The following CHD5 variants were observed in gnomAD, a reference collection of about 807,000 sequenced individuals.
CHD5 encodes ATP-dependent chromatin remodeler CHD5.
CHD5 carries 69 observed loss-of-function variants against 230.3 expected under a neutral mutation model. That is an observed-to-expected ratio of 0.30 (90% confidence interval 0.25 to 0.37). The LOEUF (loss-of-function observed/expected upper bound fraction) is 0.37, where lower values mean the gene tolerates loss of function less well. Among genes scored for constraint, CHD5 ranks in the 10% least tolerant of loss-of-function variants. The pLI is 1.00. For synonymous variants in CHD5, 1,064 were observed against 1,065.9 expected, an observed-to-expected ratio of 1.00 and a Z score of 0.03; for missense variants, 1,827 against 2,622.8, an observed-to-expected ratio of 0.70 and a Z score of 6.63.
intron 1 of CHD5, among the ~76,000 whole-genome samples, chr1:6,179,696 G>A (rs1295793913): frequency 1.4e-5 from 2 of 147,896 alleles, no homozygotes; most frequent in African/African-American, 4.9e-5. Flanking sequence ...CCTGGCCCGC[G>A]TCGCCGCCCG....
chr1:6,148,583 G>A (rs907760436), intron 9 of CHD5, among the ~76,000 whole-genome samples: 10 of 152,190 alleles, frequency 6.6e-5, no homozygotes, highest in African/African-American at 2.2e-4. Context: ...AACAGTGGTC[G>A]CGGTGTTGGC....
chr1:6,159,584 C>A (rs529893903), intron 2 of CHD5, 69 bp from the exon 3 acceptor site: 2 of 1,397,416 alleles, frequency 1.4e-6, no homozygotes, highest in South Asian at 1.2e-5. Context: ...GGTGGCAGGA[C>A]GGCCCTGAGA....
intron 9 of CHD5, 96 bp downstream of exon 9, chr1:6,148,758 G>C: frequency 1.1e-6 from 1 of 949,872 alleles, no homozygotes. Flanking sequence ...GCCGGCAGGG[G>C]CGGGGCCTTT....
intron 31 of CHD5, among the ~76,000 whole-genome samples, 193 bp downstream of exon 31, chr1:6,123,755 G>A (rs2100841505): frequency 6.6e-6 from 1 of 152,188 alleles, no homozygotes. Flanking sequence ...GAATTTTGCA[G>A]TATGTATATA....
rs1666560454 is a variant in CHD5, at chr1:6,126,476, C to A, written c.4078+96G>T. 8.3e-6 allele frequency: 6 copies of A among 725,044 alleles called. No individual in the cohort carries two copies. Among genetic ancestry groups the A allele is most frequent in the Non-Finnish European group, 1.5e-5 (6 of 409,754 alleles). 44.9% of individuals were successfully genotyped at this position (725,044 alleles called of 1,614,324 possible). ...ACTCGCCCAGCTCTCCCGGCCCGCACCTCCCGGGGGTTCTGCACAGGGATG... is the reference window on the plus strand; with the variant it reads ...ACTCGCCCAGCTCTCCCGGCCCGCAACTCCCGGGGGTTCTGCACAGGGATG... On this transcript the variant is annotated intron_variant, in intron 26 of 41. Coordinates refer to ENST00000262450, the MANE Select transcript of CHD5 (RefSeq NM_015557.3). This position sits in a 1 kb window ranked among gnomAD's most constrained non-coding sequence, Gnocchi z 5.7.
chr1:6,151,209 C>G, intron 6 of CHD5, 54 bp from the exon 7 acceptor site: 1 of 1,551,124 alleles, frequency 6.4e-7, no homozygotes, highest in South Asian at 1.2e-5. Context: ...GAAGGCTTCG[C>G]TGGCCCAGGC....
Position 6,125,934 on chromosome 1 carries a change from G to A in CHD5, c.4079-76C>T. 9.0e-7 allele frequency: 1 copy of A among 1,110,470 alleles called. No homozygotes were observed. The highest frequency in any genetic ancestry group is 1.4e-6 in the Non-Finnish European group (1 of 738,186). 68.8% of individuals were successfully genotyped at this position (1,110,470 alleles called of 1,614,324 possible). A position where few individuals can be genotyped will look rare whatever the true frequency, so the allele number is the denominator to read the frequency against. ...CACCCTCAAGTTCAAGCATGCCCAG[G>A]GCCACGCCGAGCCCCTGCACCCCAG... On this transcript the variant is annotated intron_variant, in intron 26 of 41. Coordinates refer to ENST00000262450, the MANE Select transcript of CHD5 (RefSeq NM_015557.3). The surrounding 1 kb of genome is among the most constrained non-coding windows in gnomAD (Gnocchi z 6.7).
chr1:6,108,800 T>G (rs1444845286), intron 38 of CHD5, among the ~76,000 whole-genome samples: 27 of 102,060 alleles, frequency 2.6e-4, no homozygotes, highest in African/African-American at 4.0e-4. Context: ...AGGATGGAGG[T>G]GTGGAAGGAT....
At position 6,128,806 on chromosome 1, in the gene CHD5, C is replaced by G; in HGVS notation, c.3619+32G>C. The G allele has an allele frequency of 6.3e-7, 1 of 1,577,554 alleles. No individual in the cohort carries two copies. Among genetic ancestry groups the G allele is most frequent in the Non-Finnish European group, 8.7e-7 (1 of 1,150,036 alleles). On this transcript the variant is annotated intron_variant, in intron 23 of 41. Coordinates refer to ENST00000262450, the MANE Select transcript of CHD5 (RefSeq NM_015557.3). The surrounding 1 kb of genome is among the most constrained non-coding windows in gnomAD (Gnocchi z 7.8). ...GTGTCTCAGCCGGGCCACCCCAGTC[C>G]CCTGCCACGCTCCCTCGGAACAGAG... is the stretch of plus-strand genomic sequence containing the variant.
At chr1:6,161,236 T>C (rs911506585) in intron 2 of CHD5, among the ~76,000 whole-genome samples, 1 of 152,082 alleles carries the variant, frequency 6.6e-6, no homozygotes. Flanking sequence ...ACTCTGCCCT[T>C]TCAGGCCACA....
intron 25 of CHD5, among the ~76,000 whole-genome samples, 197 bp downstream of exon 25, chr1:6,127,849 T>A (rs1227799465): frequency 2.6e-5 from 4 of 151,144 alleles, no homozygotes; most frequent in Non-Finnish European, 3.0e-5. Context: ...CCGGAGCACG[T>A]GGTTGGAGGG....
chr1:6,124,124 G>A lies in CHD5; in HGVS notation c.4540-17C>T. 4 of 1,609,148 alleles carry A rather than the reference G, an allele frequency of 2.5e-6. No individual in the cohort carries two copies. The highest frequency in any genetic ancestry group is 3.4e-6 in the Non-Finnish European group (4 of 1,177,558). On this transcript the variant is annotated splice_polypyrimidine_tract_variant and intron_variant, in intron 30 of 41. Coordinates refer to ENST00000262450, the MANE Select transcript of CHD5 (RefSeq NM_015557.3). Reference sequence around the variant, plus strand: ...CTCCTGAACCTGGGGTGGTGGGAGGGAAGGTGGAAGGGAAAGAGGGAGGGC... The same window carrying A: ...CTCCTGAACCTGGGGTGGTGGGAGGAAAGGTGGAAGGGAAAGAGGGAGGGC...
At chr1:6,156,982 T>C (rs1667090082) in intron 3 of CHD5, among the ~76,000 whole-genome samples, 1 of 152,248 alleles carries the variant, frequency 6.6e-6, no homozygotes, top group Non-Finnish European at 1.5e-5. Flanking sequence ...CTGCCTCGGT[T>C]TCCCCATCTG....
chr1:6,169,692 A>T (rs1308357212), intron 1 of CHD5, among the ~76,000 whole-genome samples: 1 of 152,206 alleles, frequency 6.6e-6, no homozygotes, highest in African/African-American at 2.4e-5. Context: ...CGTGGGGGCA[A>T]AGGAGGCTTC....
Position 6,125,662 on chromosome 1 carries a change from G to A in CHD5, c.4172-50C>T. 1 of 1,608,250 alleles carries A rather than the reference G, an allele frequency of 6.2e-7. No individual in the cohort carries two copies. Among genetic ancestry groups the A allele is most frequent in the Non-Finnish European group, 8.5e-7 (1 of 1,174,818 alleles). On this transcript the variant is annotated intron_variant, in intron 27 of 41. Coordinates refer to ENST00000262450, the MANE Select transcript of CHD5 (RefSeq NM_015557.3). The surrounding 1 kb of genome is among the most constrained non-coding windows in gnomAD (Gnocchi z 6.7). ...CTCAGGTGGGAGCCCAGAGATTCCT[G>A]ATCCCCAAGGACAGCGGGACCCCAG...
At chr1:6,145,187 G>A (rs372465414) in intron 11 of CHD5, among the ~76,000 whole-genome samples, 17 of 152,286 alleles carry the variant, frequency 1.1e-4, no homozygotes, top group African/African-American at 3.6e-4. Flanking sequence ...ACCACCCACA[G>A]CCAGCCTCTG....
chr1:6,117,278 T>A (rs1666392270), intron 33 of CHD5, among the ~76,000 whole-genome samples: 1 of 152,148 alleles, frequency 6.6e-6, no homozygotes, highest in South Asian at 2.1e-4. Flanking sequence ...AGGGACCCTA[T>A]AATTAGATTT....
intron 13 of CHD5, among the ~76,000 whole-genome samples, chr1:6,143,459 G>A (rs755338934): frequency 6.6e-6 from 1 of 152,098 alleles, no homozygotes; most frequent in Non-Finnish European, 1.5e-5. Context: ...TCCGTGTTCT[G>A]TGGATACCCA....
rs946170167 is a variant in CHD5 at position 6,131,847 on chromosome 1, C to T, written c.3145-99G>A. On this transcript the variant is annotated intron_variant, in intron 20 of 41. Coordinates refer to ENST00000262450, the MANE Select transcript of CHD5 (RefSeq NM_015557.3). The surrounding 1 kb of genome is among the most constrained non-coding windows in gnomAD (Gnocchi z 5.0). ...CACAGGCAGGGGAGGAGAGAGCTGCCTGCTAGGTGGGGAGACAGCTGGGAC... is the reference window on the plus strand; with the variant it reads ...CACAGGCAGGGGAGGAGAGAGCTGCTTGCTAGGTGGGGAGACAGCTGGGAC... 2.8e-6 allele frequency: 2 copies of T among 711,574 alleles called. No homozygotes were observed. The highest frequency in any genetic ancestry group is 1.7e-5 in the South Asian group (1 of 59,046). 44.1% of individuals were successfully genotyped at this position (711,574 alleles called of 1,614,324 possible).
Sources: gnomAD v4.1 joint callset for allele counts (sites outside exome capture counted in the v4.1 genomes callset) on GRCh38, gnomAD v4.1.1 for gene constraint, Gnocchi (gnomAD v3.1) non-coding constraint, MANE v1.5 for transcripts, NCBI Gene and HGNC (gene_info 2026-07-23, HGNC 2026-07-21) for gene names.